Variants in GABRB3 observed in about 807,000 individuals in gnomAD.
GABRB3 encodes the protein gamma-aminobutyric acid type A receptor subunit beta3, also known as gamma-aminobutyric acid receptor subunit beta-3.
In GABRB3, 14 loss-of-function variants were observed where a neutral mutation model predicts 52.1. The observed-to-expected ratio is 0.27, with a 90% CI of 0.18 to 0.42. The LOEUF (loss-of-function observed/expected upper bound fraction) is 0.42. GABRB3 is among the 10% of genes least tolerant of loss of function. The pLI is 1.00. For missense variants in GABRB3, 307 were observed against 609.1 expected (o/e 0.50, Z 5.22); for synonymous variants, 260 against 232.3 (o/e 1.12, Z -1.08).
chr15:26,553,616 A>G (rs1387663538), intron 8 of GABRB3: 3 of 152,192 alleles, frequency 2.0e-5, no homozygotes, highest in African/African-American at 7.2e-5. Flanking sequence ...GTGAGATGAA[A>G]AAAAGCCCAG....
At chr15:26,674,830 A>T (rs1429124413) in intron 3 of GABRB3, among the ~76,000 whole-genome samples, 1 of 152,232 alleles carries the variant, frequency 6.6e-6, no homozygotes, top group African/African-American at 2.4e-5. Flanking sequence ...AGAAATCACC[A>T]GTTTTGAGAA....
intron 3 of GABRB3, among the ~76,000 whole-genome samples, chr15:26,708,884 C>A (rs1889194003): frequency 1.3e-5 from 2 of 152,150 alleles, no homozygotes; most frequent in Non-Finnish European, 2.9e-5. Context: ...TTTATGCGGG[C>A]TGTTTGGAAG....
rs1444230523 is a variant in GABRB3 at position 26,561,136 on chromosome 15, G to A, written c.876C>T (p.His292=). Residue 292 remains histidine, a synonymous_variant, in exon 8 of 9, where the codon CAC becomes CAT. Coordinates refer to ENST00000311550, the MANE Select transcript of GABRB3 (RefSeq NM_000814.6). ...TVLTMTTINT[H]LRETLPKIPY... is the part of the protein sequence containing the mutation. ...GGATTTTGGGCAAGGTCTCCCGAAG[G>A]TGGGTGTTGATGGTTGTCATTGTCA... The A allele has an allele frequency of 6.2e-7, 1 of 1,614,206 alleles. No homozygotes were observed. The highest frequency in any genetic ancestry group is 1.1e-5 in the South Asian group (1 of 91,086).
At chr15:26,600,531 G>C (rs1379488723) in intron 4 of GABRB3, among the ~76,000 whole-genome samples, 1 of 152,148 alleles carries the variant, frequency 6.6e-6, no homozygotes, top group Non-Finnish European at 1.5e-5. Context: ...ACTATCAGCA[G>C]ACTTATCAAC....
chr15:26,609,070 AT>A (rs1891952954), intron 4 of GABRB3, among the ~76,000 whole-genome samples: 2 of 149,804 alleles, frequency 1.3e-5, no homozygotes, highest in South Asian at 2.1e-4. Flanking sequence ...AGATAAATTG[AT>A]TTTTTTAATG....
Position 26,624,914 on chromosome 15 carries a change from C to A in GABRB3, c.241-3380G>T, listed in dbSNP as rs991689092. 16 of 985,520 alleles carry A rather than the reference C, an allele frequency of 1.6e-5. No homozygotes were observed. The African/African-American group carries it at 2.6e-4, about 16-fold the overall frequency. 61.0% of individuals were successfully genotyped at this position (985,520 alleles called of 1,614,324 possible). A position where few individuals can be genotyped will look rare whatever the true frequency, so the allele number is the denominator to read the frequency against. On this transcript the variant is annotated intron_variant, in intron 3 of 8. Coordinates refer to ENST00000311550, the MANE Select transcript of GABRB3 (RefSeq NM_000814.6). ...GCAGTGGTGAGCACTGAGCCAGGAA[C>A]AGCGGGCAGCCGCTTGTGTGAGTGA...
chr15:26,764,180 AT>A (rs1252442587), intron 3 of GABRB3, among the ~76,000 whole-genome samples: 62 of 4,442 alleles, frequency 0.014, 6 homozygotes, highest in African/African-American at 0.031. Flanking sequence ...AAAAAAAAAA[AT>A]ATATATATAT....
chr15:26,695,238 C>T (rs1369517005), intron 3 of GABRB3, among the ~76,000 whole-genome samples: 1 of 151,866 alleles, frequency 6.6e-6, no homozygotes, highest in East Asian at 1.9e-4. Context: ...TGCAGAAAAC[C>T]AAGGACCGAG....
rs562454195 is a variant in GABRB3 at position 26,586,762 on chromosome 15, T to C, written c.462-3348A>G. Among the ~76,000 whole-genome samples the C allele has an allele frequency of 4.7e-5, 7 of 150,144 alleles. No individual in the cohort carries two copies. The East Asian group carries it at 7.9e-4, about 17-fold the overall frequency. Reference sequence around the variant, plus strand: ...GAAATTTGTGACAACATTGATGGAATTGGAGAACATTATGCTAAGTGAAAT... The same window carrying C: ...GAAATTTGTGACAACATTGATGGAACTGGAGAACATTATGCTAAGTGAAAT... On this transcript the variant is annotated intron_variant, in intron 4 of 8. Transcript: ENST00000311550.
chr15:26,686,335 T>A (rs530763258), intron 3 of GABRB3, among the ~76,000 whole-genome samples: 1 of 152,180 alleles, frequency 6.6e-6, no homozygotes, highest in Non-Finnish European at 1.5e-5. Flanking sequence ...TAAAAATAGA[T>A]TTTCAACAAA....
intron 4 of GABRB3, among the ~76,000 whole-genome samples, chr15:26,607,036 T>G (rs1891863874): frequency 6.6e-6 from 1 of 152,178 alleles, no homozygotes; most frequent in Non-Finnish European, 1.5e-5. Flanking sequence ...GACTACTGAA[T>G]GTTCAAACTG....
intron 8 of GABRB3, among the ~76,000 whole-genome samples, chr15:26,554,180 ATATATATATAC>A (rs1201110263): frequency 2.2e-4 from 6 of 26,732 alleles, no homozygotes; most frequent in South Asian, 1.4e-3. Context: ...TATAAAGTAT[ATATATATATAC>A]TATATATATA....
chr15:26,568,675 T>C (rs1342493483), intron 6 of GABRB3, among the ~76,000 whole-genome samples: 1 of 132,290 alleles, frequency 7.6e-6, no homozygotes, highest in Non-Finnish European at 1.7e-5. Context: ...GTTTTTTTTT[T>C]TTTTTTTGGT....
chr15:26,733,287 T>C (rs911536668), intron 3 of GABRB3, among the ~76,000 whole-genome samples: 11 of 152,172 alleles, frequency 7.2e-5, no homozygotes, highest in African/African-American at 2.4e-4. Flanking sequence ...CAAATTGTTA[T>C]AGCTAATAGA....
At chr15:26,557,892 T>G (rs1306303368) in intron 8 of GABRB3, 3 of 152,160 alleles carry the variant, frequency 2.0e-5, no homozygotes, top group African/African-American at 7.2e-5. Context: ...GATGCTAGAG[T>G]TTTTTTGTCT....
At chr15:26,572,367 T>C (rs1267879440) in intron 6 of GABRB3, among the ~76,000 whole-genome samples, 1 of 152,174 alleles carries the variant, frequency 6.6e-6, no homozygotes, top group Non-Finnish European at 1.5e-5. Flanking sequence ...ACATTCATGG[T>C]TGAATAGGAT....
At chr15:26,650,491 T>G (rs549254924) in intron 3 of GABRB3, among the ~76,000 whole-genome samples, 1 of 151,876 alleles carries the variant, frequency 6.6e-6, no homozygotes, top group Non-Finnish European at 1.5e-5. Context: ...TAAATGGAAA[T>G]AGTTTCTTTT....
chr15:26,746,918 C>T (rs1021291253), intron 3 of GABRB3, among the ~76,000 whole-genome samples: 2 of 151,996 alleles, frequency 1.3e-5, no homozygotes, highest in Non-Finnish European at 2.9e-5. Context: ...ACCCGGGAGG[C>T]GGAACTTGCA....
At chr15:26,745,778 G>T (rs1021371606) in intron 3 of GABRB3, among the ~76,000 whole-genome samples, 5 of 152,282 alleles carry the variant, frequency 3.3e-5, no homozygotes, top group Admixed American at 3.3e-4. Flanking sequence ...CCAATTTGGT[G>T]CCTGTAGCAA....
Sources: gnomAD v4.1 joint callset for allele counts (sites outside exome capture counted in the v4.1 genomes callset) on GRCh38, gnomAD v4.1.1 for gene constraint, MANE v1.5 for transcripts, NCBI Gene and HGNC (gene_info 2026-07-23, HGNC 2026-07-21) for gene names.